The following MATCAP2 variants were observed in gnomAD, a reference collection of about 807,000 sequenced individuals.
MATCAP2 encodes the protein putative tyrosine carboxypeptidase MATCAP2.
At chr7:36,346,915 C>T in the MATCAP2 span, among the ~76,000 whole-genome samples, 11 of 152,166 alleles carry the variant, frequency 7.2e-5, no homozygotes, top group Admixed American at 2.0e-4. Context: ...TGCCCGCCAC[C>T]ACACTAGGCT....
chr7:36,344,630 CAGG>C, the MATCAP2 span, among the ~76,000 whole-genome samples: 1 of 152,172 alleles, frequency 6.6e-6, no homozygotes, highest in Non-Finnish European at 1.5e-5. Flanking sequence ...TCCCATTTGC[CAGG>C]TAGGCATTGA....
the MATCAP2 span, among the ~76,000 whole-genome samples, chr7:36,389,141 A>G: frequency 5.3e-5 from 8 of 151,762 alleles, no homozygotes; most frequent in Admixed American, 1.3e-4. Context: ...TGCAACCTCC[A>G]CCTCCCGGGT....
chr7:36,343,714 AAG>A, the MATCAP2 span, among the ~76,000 whole-genome samples: 7 of 151,638 alleles, frequency 4.6e-5, no homozygotes, highest in Non-Finnish European at 8.8e-5. Flanking sequence ...AAGAAAAGGA[AAG>A]AAAATAAAAT....
At chr7:36,345,801 T>C in the MATCAP2 span, among the ~76,000 whole-genome samples, 1 of 152,114 alleles carries the variant, frequency 6.6e-6, no homozygotes, top group Non-Finnish European at 1.5e-5. Context: ...GATTAGGCAA[T>C]GGGATCTTAG....
At chr7:36,379,884 G>C in the MATCAP2 span, among the ~76,000 whole-genome samples, 2 of 128,820 alleles carry the variant, frequency 1.6e-5, no homozygotes, top group Admixed American at 8.1e-5. Context: ...AGAATATAAA[G>C]CCAATATAGT....
chr7:36,389,783 G>C, the MATCAP2 span: 13 of 636,638 alleles, frequency 2.0e-5, no homozygotes, highest in African/African-American at 2.1e-4. Flanking sequence ...CAGGGGCGGG[G>C]AGAGGGCGCC....
At chr7:36,342,424 T>C in the MATCAP2 span, among the ~76,000 whole-genome samples, 7 of 152,150 alleles carry the variant, frequency 4.6e-5, no homozygotes, top group East Asian at 3.9e-4. Flanking sequence ...TTTGTTCTCA[T>C]AGTCATACTA....
At chr7:36,326,943 A>T in the MATCAP2 span, 109 of 1,597,616 alleles carry the variant, frequency 6.8e-5, no homozygotes, top group Non-Finnish European at 9.3e-5. Flanking sequence ...GATGAGTTAA[A>T]TTAAAAATGT....
the MATCAP2 span, among the ~76,000 whole-genome samples, chr7:36,364,529 G>A: frequency 6.6e-6 from 1 of 152,090 alleles, no homozygotes; most frequent in Non-Finnish European, 1.5e-5. Flanking sequence ...TCAGAAACAA[G>A]TAATTGCTTC....
the MATCAP2 span, among the ~76,000 whole-genome samples, chr7:36,327,936 T>A: frequency 6.6e-6 from 1 of 152,350 alleles, no homozygotes; most frequent in East Asian, 1.9e-4. Flanking sequence ...GTATTACATC[T>A]TCTTGCTTTT....
the MATCAP2 span, chr7:36,326,940 TA>T: frequency 3.1e-6 from 5 of 1,598,090 alleles, no homozygotes; most frequent in Non-Finnish European, 4.3e-6. Flanking sequence ...GAAGATGAGT[TA>T]AATTAAAAAT....
At chr7:36,390,338 A>C in the MATCAP2 span, 3 of 472,810 alleles carry the variant, frequency 6.3e-6, no homozygotes, top group African/African-American at 5.9e-5. Context: ...GTCCCTCTGC[A>C]GTCCTGGCGC....
At chr7:36,347,624 T>C in the MATCAP2 span, among the ~76,000 whole-genome samples, 6 of 152,172 alleles carry the variant, frequency 3.9e-5, no homozygotes, top group African/African-American at 7.2e-5. Context: ...GAAGACAAAA[T>C]GAAAGCATGG....
the MATCAP2 span, among the ~76,000 whole-genome samples, chr7:36,348,430 A>C: frequency 6.6e-6 from 1 of 152,240 alleles, no homozygotes; most frequent in African/African-American, 2.4e-5. Context: ...AAAGAAGAGC[A>C]TATTTACATT....
the MATCAP2 span, chr7:36,366,869 CG>C: frequency 6.7e-7 from 1 of 1,491,256 alleles, no homozygotes; most frequent in East Asian, 2.7e-5. Flanking sequence ...GGCGGGACCC[CG>C]GTCCGCCCCG....
the MATCAP2 span, among the ~76,000 whole-genome samples, chr7:36,332,736 T>C: frequency 6.6e-6 from 1 of 152,220 alleles, no homozygotes; most frequent in Non-Finnish European, 1.5e-5. Context: ...AAGACCAGCC[T>C]GGCCAATAGG....
the MATCAP2 span, among the ~76,000 whole-genome samples, chr7:36,365,643 G>C: frequency 1.3e-5 from 2 of 152,184 alleles, no homozygotes; most frequent in African/African-American, 2.4e-5. Flanking sequence ...AGATTGCAGT[G>C]AGCAGAGACA....
the MATCAP2 span, among the ~76,000 whole-genome samples, chr7:36,352,599 G>A: frequency 6.6e-6 from 1 of 151,764 alleles, no homozygotes; most frequent in African/African-American, 2.4e-5. Context: ...AGGTCGAGGT[G>A]GGTGGATCAC....
At chr7:36,367,166 C>T in the MATCAP2 span, 2 of 1,207,848 alleles carry the variant, frequency 1.7e-6, no homozygotes, top group African/African-American at 1.6e-5. Context: ...AAGGTACACA[C>T]GGCGGCCTTA....
Sources: gnomAD v4.1 joint callset for allele counts (sites outside exome capture counted in the v4.1 genomes callset) on GRCh38, gnomAD v4.1.1 for gene constraint, MANE v1.5 for transcripts, NCBI Gene and HGNC (gene_info 2026-07-23, HGNC 2026-07-21) for gene names.